The following FSTL5 variants were observed in gnomAD, a reference collection of about 807,000 sequenced individuals.
The protein encoded by FSTL5 is follistatin like 5, also known as follistatin-related protein 5.
A neutral mutation model predicts 89.1 loss-of-function variants in FSTL5; 62 were observed. The ratio of observed to expected loss-of-function variants is 0.70; its 90% CI spans 0.57 to 0.86. FSTL5 has a LOEUF of 0.86. Ranked by LOEUF, FSTL5 falls within the 40% of genes least tolerant of loss-of-function variation. The pLI, the probability that FSTL5 is intolerant of heterozygous loss-of-function variation, is 0.00. For synonymous variants in FSTL5, 383 were observed against 346.2 expected (o/e 1.11, Z -1.18); for missense variants, 1,057 against 1,001.6 (o/e 1.06, Z -0.75).
intron 3 of FSTL5, among the ~76,000 whole-genome samples, chr4:162,018,190 G>A (rs868005634): frequency 6.6e-6 from 1 of 152,112 alleles, no homozygotes; most frequent in African/African-American, 2.4e-5. Flanking sequence ...TGGTAGAAAG[G>A]GCATGTGGTT....
At chr4:161,579,731 C>CA (rs33926609) in intron 8 of FSTL5, among the ~76,000 whole-genome samples, 29,192 of 98,682 alleles carry the variant, frequency 0.3, 3,669 homozygotes, top group East Asian at 0.55. Context: ...CAAAAACAAA[C>CA]AAAAAAAAAA....
At chr4:161,759,069 G>A (rs1408145565) in intron 6 of FSTL5, among the ~76,000 whole-genome samples, 3 of 152,132 alleles carry the variant, frequency 2.0e-5, no homozygotes, top group African/African-American at 7.2e-5. Context: ...AAATATTTGA[G>A]TGTGTAAATA....
At chr4:162,009,167 T>C (rs1440567964) in intron 3 of FSTL5, among the ~76,000 whole-genome samples, 2 of 152,062 alleles carry the variant, frequency 1.3e-5, no homozygotes, top group Non-Finnish European at 1.5e-5. Context: ...GTCCACCTTT[T>C]AGGATAAAGT....
intron 7 of FSTL5, among the ~76,000 whole-genome samples, chr4:161,611,231 CATATAT>C (rs70937667): frequency 0.088 from 11,280 of 128,194 alleles, 456 homozygotes; most frequent in African/African-American, 0.11. Flanking sequence ...TATGTGTATA[CATATAT>C]ATATATATAT....
chr4:161,595,157 T>A (rs921501652), intron 7 of FSTL5, among the ~76,000 whole-genome samples: 3 of 152,058 alleles, frequency 2.0e-5, no homozygotes, highest in African/African-American at 7.2e-5. Flanking sequence ...TAAAGACATA[T>A]CAAGCCTACT....
chr4:161,454,934 G>T, intron 15 of FSTL5, 70 bp downstream of exon 15: 1 of 1,433,966 alleles, frequency 7.0e-7, no homozygotes, highest in South Asian at 1.2e-5. Flanking sequence ...GTTTCTTTAC[G>T]ATTTCACATG....
At chr4:162,107,378 C>T (rs542230282) in intron 2 of FSTL5, among the ~76,000 whole-genome samples, 1 of 152,132 alleles carries the variant, frequency 6.6e-6, no homozygotes, top group South Asian at 2.1e-4. Flanking sequence ...ACCCGCTATA[C>T]AATCAATGCC....
intron 2 of FSTL5, among the ~76,000 whole-genome samples, chr4:162,090,939 T>C (rs1455775570): frequency 1.3e-5 from 2 of 152,126 alleles, no homozygotes; most frequent in Non-Finnish European, 2.9e-5. Flanking sequence ...CTGAAAGTTG[T>C]ACTCTTGTTT....
intron 7 of FSTL5, among the ~76,000 whole-genome samples, chr4:161,606,778 C>A (rs1734461138): frequency 6.6e-6 from 1 of 152,052 alleles, no homozygotes. Context: ...TATCTGGAGA[C>A]CATTTTTCTT....
intron 4 of FSTL5, among the ~76,000 whole-genome samples, chr4:161,814,560 A>G (rs1163277493): frequency 6.6e-6 from 1 of 152,148 alleles, no homozygotes; most frequent in Non-Finnish European, 1.5e-5. Context: ...AAACCTCACA[A>G]TGAACTTTAG....
At chr4:162,115,020 A>G (rs1286709124) in intron 1 of FSTL5, among the ~76,000 whole-genome samples, 2 of 152,140 alleles carry the variant, frequency 1.3e-5, no homozygotes, top group Admixed American at 6.5e-5. Flanking sequence ...AACAGAACTA[A>G]TATTAAAAGT....
chr4:161,981,898 T>C (rs556545241), intron 3 of FSTL5, among the ~76,000 whole-genome samples: 5 of 152,232 alleles, frequency 3.3e-5, no homozygotes, highest in Non-Finnish European at 7.3e-5. Flanking sequence ...GTTAACATAA[T>C]TGATTTTTAT....
intron 1 of FSTL5, 31 bp from the exon 2 acceptor site, chr4:162,111,443 GA>G: frequency 6.6e-7 from 1 of 1,510,544 alleles, no homozygotes; most frequent in Non-Finnish European, 9.1e-7. Flanking sequence ...AGGAATCAGA[GA>G]AAATGAATTA....
intron 2 of FSTL5, among the ~76,000 whole-genome samples, chr4:162,064,119 G>A (rs1418037994): frequency 1.3e-5 from 2 of 151,418 alleles, no homozygotes; most frequent in Non-Finnish European, 2.9e-5. Context: ...TGGTCTCCCC[G>A]AATAAATTTC....
At chr4:161,553,475 ACTGAG>A (rs1732282965) in intron 8 of FSTL5, among the ~76,000 whole-genome samples, 1 of 151,420 alleles carries the variant, frequency 6.6e-6, no homozygotes, top group Non-Finnish European at 1.5e-5. Context: ...ATAGCTATTC[ACTGAG>A]CAACTCCTGA....
chr4:161,744,734 T>C (rs1406916898), intron 6 of FSTL5, among the ~76,000 whole-genome samples: 1 of 152,122 alleles, frequency 6.6e-6, no homozygotes, highest in Non-Finnish European at 1.5e-5. Flanking sequence ...ATAAAATTGT[T>C]CAGAAACCTT....
chr4:162,145,314 T>C (rs1208365784), intron 1 of FSTL5, among the ~76,000 whole-genome samples: 1 of 152,050 alleles, frequency 6.6e-6, no homozygotes, highest in East Asian at 1.9e-4. Flanking sequence ...AAAGCGTAAG[T>C]GGGATGTTAC....
At chr4:161,432,343 GCTC>G (rs1732406718) in intron 15 of FSTL5, among the ~76,000 whole-genome samples, 1 of 151,998 alleles carries the variant, frequency 6.6e-6, no homozygotes, top group Non-Finnish European at 1.5e-5. Flanking sequence ...TGAACAATAT[GCTC>G]CTGAATGAGC....
chr4:161,674,513 CT>C, intron 6 of FSTL5, among the ~76,000 whole-genome samples: 1 of 152,202 alleles, frequency 6.6e-6, no homozygotes, highest in East Asian at 1.9e-4. Flanking sequence ...TACATCCCTT[CT>C]TGGCAGAAAG....
Sources: allele counts gnomAD v4.1 joint callset (sites outside exome capture counted in the v4.1 genomes callset), GRCh38; gene constraint gnomAD v4.1.1; transcripts MANE v1.5; gene names NCBI Gene and HGNC (gene_info 2026-07-23, HGNC 2026-07-21).